The following TBL1XR1 variants were observed in gnomAD, a reference collection of about 807,000 sequenced individuals.
TBL1XR1 encodes TBL1X/Y related 1.
TBL1XR1 carries 5 observed loss-of-function variants against 66.9 expected under a neutral mutation model. That is an observed-to-expected ratio of 0.07 (90% CI 0.04 to 0.16). TBL1XR1 has a LOEUF of 0.16. Ranked by LOEUF, TBL1XR1 falls within the 10% of genes least tolerant of loss-of-function variation. The pLI is 1.00. For synonymous variants in TBL1XR1, 210 were observed against 206.0 expected (o/e 1.02, Z -0.17); for missense variants, 238 against 623.2 (o/e 0.38, Z 6.58).
chr3:177,187,036 G>A (rs1250337202), intron 1 of TBL1XR1, among the ~76,000 whole-genome samples: 5 of 151,974 alleles, frequency 3.3e-5, no homozygotes, highest in East Asian at 1.9e-4. Flanking sequence ...GCGTGGTGGC[G>A]GGCCCCTGCA....
At chr3:177,046,108 C>G in intron 10 of TBL1XR1, 21 bp downstream of exon 10, 1 of 1,516,042 alleles carries the variant, frequency 6.6e-7, no homozygotes, top group East Asian at 2.5e-5. Flanking sequence ...CCAGCTTTCA[C>G]GTAAATTATA....
chr3:177,099,379 CAACA>C (rs1723910493), intron 1 of TBL1XR1: 1 of 152,396 alleles, frequency 6.6e-6, no homozygotes. Context: ...ACAACAACAA[CAACA>C]AAAAAGTTAT....
At chr3:177,151,638 A>G (rs928154289) in intron 1 of TBL1XR1, among the ~76,000 whole-genome samples, 1 of 152,196 alleles carries the variant, frequency 6.6e-6, no homozygotes, top group Non-Finnish European at 1.5e-5. Flanking sequence ...AAAATGAAAA[A>G]CAGGCTGAGT....
chr3:177,069,536 C>T (rs1023338457), intron 2 of TBL1XR1, among the ~76,000 whole-genome samples: 1 of 151,842 alleles, frequency 6.6e-6, no homozygotes, highest in East Asian at 1.9e-4. Flanking sequence ...GAGTTTGACA[C>T]CAGCCTGATC....
chr3:177,035,160 G>A (rs1714592839), intron 12 of TBL1XR1, among the ~76,000 whole-genome samples: 1 of 152,110 alleles, frequency 6.6e-6, no homozygotes, highest in Admixed American at 6.5e-5. Context: ...TGAACGACAT[G>A]TTTTCAGAAC....
chr3:177,032,779 A>AT, intron 14 of TBL1XR1, 192 bp downstream of exon 14: 1 of 431,216 alleles, frequency 2.3e-6, no homozygotes. Context: ...AATAAAACAA[A>AT]TGATCAAAAT....
At chr3:177,114,911 T>G (rs1044625225) in intron 1 of TBL1XR1, among the ~76,000 whole-genome samples, 1 of 151,888 alleles carries the variant, frequency 6.6e-6, no homozygotes, top group African/African-American at 2.4e-5. Flanking sequence ...CCCAGGAGTT[T>G]GAGGTTGCAG....
intron 1 of TBL1XR1, among the ~76,000 whole-genome samples, chr3:177,110,378 A>G (rs936019718): frequency 1.3e-5 from 2 of 152,236 alleles, no homozygotes; most frequent in African/African-American, 2.4e-5. Context: ...TATCCAGCAA[A>G]GCTTACAATG....
chr3:177,082,458 C>A (rs1721516144), intron 2 of TBL1XR1, among the ~76,000 whole-genome samples: 1 of 151,376 alleles, frequency 6.6e-6, no homozygotes, highest in Admixed American at 6.6e-5. Flanking sequence ...ATTTACTTTT[C>A]TCTCATCCCC....
intron 1 of TBL1XR1, among the ~76,000 whole-genome samples, chr3:177,108,101 C>T (rs1353322823): frequency 2.0e-5 from 3 of 151,594 alleles, no homozygotes; most frequent in Admixed American, 2.0e-4. Context: ...CCAGAACCAT[C>T]CAAATTTCTA....
At chr3:177,196,802 G>A (rs966843552) in intron 1 of TBL1XR1, among the ~76,000 whole-genome samples, 6 of 151,962 alleles carry the variant, frequency 3.9e-5, no homozygotes, top group South Asian at 2.1e-4. Flanking sequence ...GGGGGAGAAG[G>A]CCGAGGTGCA....
At chr3:177,069,867 C>G (rs1029467478) in intron 2 of TBL1XR1, among the ~76,000 whole-genome samples, 49 of 136,848 alleles carry the variant, frequency 3.6e-4, no homozygotes, top group African/African-American at 1.3e-3. Context: ...AACAACACAC[C>G]AAATCAATTA....
chr3:177,028,658 C>G (rs1560093984), intron 14 of TBL1XR1, among the ~76,000 whole-genome samples: 1 of 152,116 alleles, frequency 6.6e-6, no homozygotes, highest in Non-Finnish European at 1.5e-5. Flanking sequence ...TGATAAAACT[C>G]AATAACGATT....
chr3:177,198,070 T>G (rs918578368), upstream of TBL1XR1, among the ~76,000 whole-genome samples: 4 of 152,140 alleles, frequency 2.6e-5, no homozygotes, highest in East Asian at 7.8e-4. Context: ...CGGCGCGGCA[T>G]CATATGGACA....
chr3:177,119,356 C>A (rs892212386), intron 1 of TBL1XR1, among the ~76,000 whole-genome samples: 6 of 152,164 alleles, frequency 3.9e-5, no homozygotes, highest in East Asian at 1.9e-4. Context: ...GATCCTGGAA[C>A]CTTTTCCACA....
intron 1 of TBL1XR1, among the ~76,000 whole-genome samples, chr3:177,158,401 G>T (rs1210609002): frequency 6.6e-6 from 1 of 151,780 alleles, no homozygotes; most frequent in Non-Finnish European, 1.5e-5. Context: ...GCTAATTTTT[G>T]TATTTTTAGT....
At chr3:177,037,502 T>C (rs1490199773) in intron 12 of TBL1XR1, 2 of 140,884 alleles carry the variant, frequency 1.4e-5, no homozygotes, top group African/African-American at 5.3e-5. Context: ...CCCTCCCCAA[T>C]GGGCGGCGGG....
intron 1 of TBL1XR1, among the ~76,000 whole-genome samples, chr3:177,167,007 A>C (rs773471069): frequency 1.3e-5 from 2 of 152,206 alleles, no homozygotes; most frequent in Non-Finnish European, 2.9e-5. Flanking sequence ...TATCTACCCA[A>C]CAAGTTTAAA....
At chr3:177,138,143 A>C (rs1050314923) in intron 1 of TBL1XR1, among the ~76,000 whole-genome samples, 1 of 152,210 alleles carries the variant, frequency 6.6e-6, no homozygotes, top group Non-Finnish European at 1.5e-5. Flanking sequence ...GTTATATACT[A>C]ATCACAACTA....
Sources: gnomAD v4.1 joint callset for allele counts (sites outside exome capture counted in the v4.1 genomes callset) on GRCh38, gnomAD v4.1.1 for gene constraint, MANE v1.5 for transcripts, NCBI Gene and HGNC (gene_info 2026-07-23, HGNC 2026-07-21) for gene names.